The following PTDSS2 variants were observed in gnomAD, a reference collection of about 807,000 sequenced individuals.
PTDSS2 encodes PSS-2.
Under a neutral mutation model 64.7 loss-of-function variants are expected in PTDSS2, and 41 were observed. The observed-to-expected ratio is 0.63, with a 90% CI of 0.49 to 0.82. The LOEUF (loss-of-function observed/expected upper bound fraction) is 0.82. PTDSS2 is among the 40% of genes least tolerant of loss of function. PTDSS2 has a pLI of 0.00. For synonymous variants in PTDSS2, 297 were observed against 277.8 expected, an observed-to-expected ratio of 1.07 and a Z score of -0.69; for missense variants, 485 against 650.0, an observed-to-expected ratio of 0.75 and a Z score of 2.76.
chr11:458,437 C>A (rs1211304327), intron 1 of PTDSS2, among the ~76,000 whole-genome samples: 5 of 151,084 alleles, frequency 3.3e-5, no homozygotes, highest in African/African-American at 1.2e-4. Flanking sequence ...GATCTCCTGA[C>A]CTCGTGATCC....
intron 1 of PTDSS2, among the ~76,000 whole-genome samples, chr11:457,420 GTTTTTC>G (rs1157898888): frequency 6.6e-6 from 1 of 152,256 alleles, no homozygotes; most frequent in African/African-American, 2.4e-5. Context: ...TCTGTAGCGT[GTTTTTC>G]TTTTTCTTTT....
Position 488,230 on chromosome 11 carries a change from T to A in PTDSS2, c.653T>A (p.Met218Lys). The A allele has an allele frequency of 1.2e-6, 2 of 1,613,428 alleles. No homozygotes were observed. Among genetic ancestry groups the A allele is most frequent in the Middle Eastern group, 1.6e-4 (1 of 6,062 alleles). Reference protein sequence around the residue: ...TLMIRDWWMCMIISVMFEFLE... With the variant: ...TLMIRDWWMCKIISVMFEFLE... The stretch of plus-strand genomic sequence containing the variant: ...ATGATCCGAGACTGGTGGATGTGCA[T>A]GATCATCAGCGTGATGTTCGAGTTC... The change falls in exon 7 of 12, where the codon ATG (methionine) becomes AAG (lysine). Residue 218 changes from methionine to lysine, a missense_variant. By Grantham distance (95) the Met-to-Lys change is moderately conservative. Transcript: ENST00000308020.
chr11:450,680 AC>A (rs1171212847), intron 1 of PTDSS2, 43 bp downstream of exon 1: 2 of 1,237,680 alleles, frequency 1.6e-6, no homozygotes, highest in Non-Finnish European at 2.0e-6. Context: ...GGTGCCCTCG[AC>A]CTGGGGGTTC....
chr11:462,660 A>G lies in PTDSS2; in HGVS notation c.284+2372A>G, dbSNP rs1846944861. 6.6e-6 allele frequency among the ~76,000 whole-genome samples: 1 copy of G among 152,038 alleles called. No homozygotes were observed. Among genetic ancestry groups the G allele is most frequent in the South Asian group, 2.1e-4 (1 of 4,824 alleles). On this transcript the variant is annotated intron_variant, in intron 2 of 11. Coordinates refer to ENST00000308020, the MANE Select transcript of PTDSS2 (RefSeq NM_030783.3). This position sits in a 1 kb window ranked among gnomAD's most constrained non-coding sequence, Gnocchi z 4.5. Reference sequence around the variant, plus strand: ...GTGCACCTGTCCTGAGTCCATTCTCATGGCCTGGACCCGCACTGCTGCACA... The same window carrying G: ...GTGCACCTGTCCTGAGTCCATTCTCGTGGCCTGGACCCGCACTGCTGCACA...
chr11:488,493 CT>C (rs756771188), intron 7 of PTDSS2, 35 bp from the exon 8 acceptor site: 4 of 1,569,270 alleles, frequency 2.5e-6, no homozygotes, highest in Non-Finnish European at 3.5e-6. Flanking sequence ...CTCGTTACCC[CT>C]CACCCCTGCA....
rs574903388 is a variant in PTDSS2 at position 476,874 on chromosome 11, G to A, written c.368-2211G>A. On this transcript the variant is annotated intron_variant, in intron 3 of 11. Transcript: ENST00000308020. The surrounding 1 kb of genome is among the most constrained non-coding windows in gnomAD (Gnocchi z 4.9). ...ATTCCATATTACTTTGCCAATCTTC[G>A]ATTTATTGACGGGGAAGCCTGTCCT... is the stretch of plus-strand genomic sequence containing the variant. Among the ~76,000 whole-genome samples the A allele has an allele frequency of 1.8e-4, 28 of 152,286 alleles. No homozygotes were observed. The highest frequency in any genetic ancestry group is 3.9e-4 in the African/African-American group (16 of 41,554).
chr11:450,428 G>C lies in PTDSS2; in HGVS notation c.-28G>C. ...CCGGTGTGCGTGGGGTCGAGGCGCC[G>C]GGCGGAGTGGCTCCGGGCCGAAACG... On this transcript the variant is annotated 5_prime_UTR_variant, in exon 1 of 12. Coordinates refer to ENST00000308020, the MANE Select transcript of PTDSS2 (RefSeq NM_030783.3). The C allele has an allele frequency of 8.2e-7, 1 of 1,222,688 alleles. No individual in the cohort carries two copies. The highest frequency in any genetic ancestry group is 1.0e-6 in the Non-Finnish European group (1 of 981,372). The allele number at this position is 1,222,688 out of a possible 1,614,324, so 75.7% of individuals were successfully genotyped here.
At chr11:457,432 C>T (rs1387552194) in intron 1 of PTDSS2, among the ~76,000 whole-genome samples, 1 of 152,154 alleles carries the variant, frequency 6.6e-6, no homozygotes, top group Non-Finnish European at 1.5e-5. Flanking sequence ...TTTTCTTTTT[C>T]TTTTTTTATC....
At position 461,904 on chromosome 11, in the gene PTDSS2, G is replaced by C. The variant is rs766239083; in HGVS notation, c.284+1616G>C. Among the ~76,000 whole-genome samples, 4 of 152,200 alleles carry C rather than the reference G, an allele frequency of 2.6e-5. No homozygotes were observed. The highest frequency in any genetic ancestry group is 5.9e-5 in the Non-Finnish European group (4 of 68,016). On this transcript the variant is annotated intron_variant, in intron 2 of 11. Coordinates refer to ENST00000308020, the MANE Select transcript of PTDSS2 (RefSeq NM_030783.3). The surrounding 1 kb of genome is among the most constrained non-coding windows in gnomAD (Gnocchi z 4.2). ...GGAGGCAGTGAGGCAGTGGGCAGGA[G>C]CCCCGTGTGTGCCTAGAGGGAGCTT...
rs1320894170 is a variant in PTDSS2 at position 474,994 on chromosome 11, C to T, written c.367+1017C>T. Among the ~76,000 whole-genome samples, 11 of 94,656 alleles carry T rather than the reference C, an allele frequency of 1.2e-4. No individual in the cohort carries two copies. In the East Asian group the frequency reaches 3.2e-3, roughly 27 times the overall value. 62.1% of individuals were successfully genotyped at this position (94,656 alleles called of 152,430 possible). On this transcript the variant is annotated intron_variant, in intron 3 of 11. Transcript: ENST00000308020. ...CATGTTCACGCGTTTGTGATACGGA[C>T]ATATTCACGAGTTTGTGTGATACGG...
At chr11:464,903 A>C (rs1847075855) in intron 2 of PTDSS2, among the ~76,000 whole-genome samples, 1 of 152,250 alleles carries the variant, frequency 6.6e-6, no homozygotes. Context: ...ATATACTCAC[A>C]GTGCTGAAGA....
At chr11:464,069 A>T (rs534095144) in intron 2 of PTDSS2, among the ~76,000 whole-genome samples, 7 of 148,720 alleles carry the variant, frequency 4.7e-5, no homozygotes, top group Non-Finnish European at 1.0e-4. Context: ...TGCAACCTTC[A>T]CCTCCCAGGT....
In PTDSS2 at chr11:460,245, C is replaced by G; in HGVS notation, c.241C>G (p.Leu81Val). The G allele has an allele frequency of 6.2e-7, 1 of 1,614,232 alleles. No homozygotes were observed. Among genetic ancestry groups the G allele is most frequent in the Non-Finnish European group, 8.5e-7 (1 of 1,180,030 alleles). ...ILTCTLGYVT[L>V]LEETPQDTAY... ...CACCTGTACGCTTGGCTATGTGACG[C>G]TGCTGGAGGAAACACCTCAGGACAC... Residue 81 changes from leucine to valine, a missense_variant, in exon 2 of 12, where the codon CTG (leucine) becomes GTG (valine). Around this residue, in one of 3 missense-constraint regions of PTDSS2, gnomAD observed 251 missense variants for 348.0 expected, o/e 0.72. Transcript: ENST00000308020. This position sits in a 1 kb window ranked among gnomAD's most constrained non-coding sequence, Gnocchi z 5.8.
At chr11:474,175 G>C (rs1279161872) in intron 3 of PTDSS2, among the ~76,000 whole-genome samples, 198 bp downstream of exon 3, 1 of 152,170 alleles carries the variant, frequency 6.6e-6, no homozygotes, top group Non-Finnish European at 1.5e-5. Context: ...AACCACCGAG[G>C]GTCTCTCCAG....
At chr11:458,589 A>G (rs541064668) in intron 1 of PTDSS2, 2 of 141,110 alleles carry the variant, frequency 1.4e-5, no homozygotes, top group South Asian at 4.4e-4. Flanking sequence ...ATCCTAGCGC[A>G]CTGCAGCCTC....
chr11:453,739 T>G (rs1318522514), intron 1 of PTDSS2, among the ~76,000 whole-genome samples: 1 of 152,226 alleles, frequency 6.6e-6, no homozygotes, highest in Non-Finnish European at 1.5e-5. Flanking sequence ...AGGCGTGGCC[T>G]TTCCTTGGCC....
intron 3 of PTDSS2, among the ~76,000 whole-genome samples, chr11:475,350 G>T (rs1359448236): frequency 6.6e-6 from 1 of 150,544 alleles, no homozygotes; most frequent in Non-Finnish European, 1.5e-5. Flanking sequence ...GCGTTTGTGT[G>T]TAGGACATAT....
upstream of PTDSS2, among the ~76,000 whole-genome samples, chr11:449,318 T>C (rs1346384303): frequency 1.3e-5 from 2 of 152,214 alleles, no homozygotes; most frequent in Non-Finnish European, 2.9e-5. Context: ...TCCGCCCGCC[T>C]TGGCCTCCCA....
chr11:474,928 C>G (rs568440558), intron 3 of PTDSS2, among the ~76,000 whole-genome samples: 1 of 149,188 alleles, frequency 6.7e-6, no homozygotes, highest in African/African-American at 2.5e-5. Flanking sequence ...CATATTCACG[C>G]GTTTATGATA....
Sources: allele counts gnomAD v4.1 joint callset (sites outside exome capture counted in the v4.1 genomes callset), GRCh38; gene constraint gnomAD v4.1.1; regional missense constraint gnomAD v4.1.1; non-coding constraint Gnocchi (gnomAD v3.1); transcripts MANE v1.5; gene names NCBI Gene and HGNC (gene_info 2026-07-23, HGNC 2026-07-21).